WBP2NL: variants seen among roughly 807,000 people sequenced by gnomAD.
WBP2NL encodes the protein WBP2 N-terminal like, also known as postacrosomal sheath WW domain-binding protein.
In WBP2NL, 27 loss-of-function variants were observed where a neutral mutation model predicts 23.3. The ratio of observed to expected loss-of-function variants is 1.16; its 90% CI spans 0.85 to 1.60. The LOEUF (loss-of-function observed/expected upper bound fraction) is 1.60, where lower values mean the gene tolerates loss of function less well. Ranked by LOEUF, WBP2NL falls within the 40% of genes most tolerant of loss-of-function variation. The pLI is 0.00. For synonymous variants in WBP2NL, 151 were observed against 145.9 expected (o/e 1.03, Z -0.25); for missense variants, 370 against 389.5 (o/e 0.95, Z 0.42).
intron 8 of WBP2NL, among the ~76,000 whole-genome samples, chr22:42,056,391 C>A (rs773247896): frequency 6.6e-6 from 1 of 152,106 alleles, no homozygotes; most frequent in South Asian, 2.1e-4. Flanking sequence ...ATTTAAGTTA[C>A]CTTTTAAATC....
At chr22:42,024,398 T>C (rs1228886980) in intron 5 of WBP2NL, among the ~76,000 whole-genome samples, 2 of 152,200 alleles carry the variant, frequency 1.3e-5, no homozygotes, top group Non-Finnish European at 2.9e-5. Context: ...CTCTAACTTT[T>C]TGAGGAACCA....
intron 1 of WBP2NL, chr22:42,001,781 G>A: frequency 8.3e-7 from 1 of 1,207,582 alleles, no homozygotes; most frequent in Non-Finnish European, 1.2e-6. Context: ...CGTGCTCCTT[G>A]GGAATACAGA....
chr22:42,007,339 A>G (rs571809370), intron 1 of WBP2NL, among the ~76,000 whole-genome samples: 7 of 152,320 alleles, frequency 4.6e-5, no homozygotes, highest in African/African-American at 1.4e-4. Flanking sequence ...GGGAATTGTG[A>G]GGTCAGAGGA....
chr22:42,050,667 A>G (rs939077988), intron 8 of WBP2NL, among the ~76,000 whole-genome samples: 1 of 152,050 alleles, frequency 6.6e-6, no homozygotes, highest in Admixed American at 6.6e-5. Context: ...TCCCAAAAAA[A>G]AAAACTAATT....
At position 42,019,819 on chromosome 22, in the gene WBP2NL, G is replaced by A; in HGVS notation, c.313+16G>A. The stretch of plus-strand genomic sequence containing the variant: ...GCTCCATATGGTAAGTGTTCCCTCA[G>A]AAGTGTGTATTTTTTTTTCCCTCAA... On this transcript the variant is annotated intron_variant, in intron 3 of 5. Coordinates refer to ENST00000328823, the MANE Select transcript of WBP2NL (RefSeq NM_152613.3). 6.2e-7 allele frequency: 1 copy of A among 1,610,966 alleles called. No homozygotes were observed. The highest frequency in any genetic ancestry group is 1.3e-5 in the African/African-American group (1 of 74,852).
intron 1 of WBP2NL, among the ~76,000 whole-genome samples, chr22:42,018,121 C>G (rs1321750110): frequency 1.3e-5 from 2 of 148,414 alleles, no homozygotes; most frequent in Admixed American, 1.4e-4. Context: ...TGCACTCAAA[C>G]CTGGGGGACA....
downstream of WBP2NL, chr22:42,032,782 A>T: frequency 2.1e-6 from 1 of 469,920 alleles, no homozygotes; most frequent in African/African-American, 2.0e-5. Flanking sequence ...GATTAGAAAG[A>T]AGGGGTTCTG....
chr22:42,005,536 T>C (rs1002438150), intron 1 of WBP2NL, among the ~76,000 whole-genome samples: 1 of 152,016 alleles, frequency 6.6e-6, no homozygotes, highest in African/African-American at 2.4e-5. Flanking sequence ...AATAAATAAA[T>C]AGATGAAGCC....
chr22:42,051,166 A>G (rs1369662484), intron 8 of WBP2NL, among the ~76,000 whole-genome samples: 1 of 152,262 alleles, frequency 6.6e-6, no homozygotes, highest in Non-Finnish European at 1.5e-5. Flanking sequence ...CACATTGCTT[A>G]AAAAGTAATG....
chr22:42,041,534 C>G (rs1460974079), intron 8 of WBP2NL, among the ~76,000 whole-genome samples: 3 of 147,750 alleles, frequency 2.0e-5, no homozygotes, highest in Non-Finnish European at 4.5e-5. Context: ...AGTATAGCCA[C>G]TTTTGCTCTC....
chr22:42,034,912 T>G (rs1021714249), downstream of WBP2NL, among the ~76,000 whole-genome samples: 5 of 152,246 alleles, frequency 3.3e-5, no homozygotes, highest in Admixed American at 2.0e-4. Flanking sequence ...GTTATCCTGT[T>G]CTTTTTTCAG....
At chr22:42,032,915 AG>A (rs1925040379), downstream of WBP2NL, 1 of 206,426 alleles carries the variant, frequency 4.8e-6, no homozygotes, top group Non-Finnish European at 1.1e-5. Context: ...ATAATAAAAC[AG>A]GGTATTAATT....
At chr22:42,019,928 C>G in intron 3 of WBP2NL, 76 bp from the exon 4 acceptor site, 1 of 1,592,060 alleles carries the variant, frequency 6.3e-7, no homozygotes, top group Non-Finnish European at 8.6e-7. Flanking sequence ...GTAGTGCTTC[C>G]CTTGGTGTTT....
downstream of WBP2NL, chr22:42,031,163 G>A (rs1419755769): frequency 2.0e-5 from 3 of 152,202 alleles, no homozygotes; most frequent in East Asian, 1.9e-4. Flanking sequence ...TTGGACCCAC[G>A]TGGTGCTGCG....
At chr22:42,038,336 T>C (rs1283253389) in intron 8 of WBP2NL, among the ~76,000 whole-genome samples, 2 of 152,224 alleles carry the variant, frequency 1.3e-5, no homozygotes, top group Non-Finnish European at 2.9e-5. Flanking sequence ...CACTCTATCA[T>C]GTTGTATAAT....
chr22:42,024,632 A>G (rs1388940639), intron 5 of WBP2NL, among the ~76,000 whole-genome samples: 1 of 152,044 alleles, frequency 6.6e-6, no homozygotes, highest in Non-Finnish European at 1.5e-5. Context: ...TATATACCTT[A>G]ATTGGAGAAC....
intron 8 of WBP2NL, among the ~76,000 whole-genome samples, chr22:42,049,566 T>A (rs1005531145): frequency 5.9e-5 from 9 of 151,818 alleles, no homozygotes; most frequent in African/African-American, 2.2e-4. Context: ...GGCGGGCACC[T>A]GTAGTCCTAG....
chr22:42,016,912 C>G (rs906069020), intron 1 of WBP2NL, among the ~76,000 whole-genome samples: 1 of 152,224 alleles, frequency 6.6e-6, no homozygotes, highest in African/African-American at 2.4e-5. Flanking sequence ...CAAATGATGT[C>G]TTTAAGCTGT....
intron 1 of WBP2NL, chr22:42,000,994 A>T (rs1479190595): frequency 1.9e-6 from 1 of 520,288 alleles, no homozygotes. Flanking sequence ...CTCCGTCTCA[A>T]AAAAAAAGAA....
Sources: gnomAD v4.1 joint callset for allele counts (sites outside exome capture counted in the v4.1 genomes callset) on GRCh38, gnomAD v4.1.1 for gene constraint, MANE v1.5 for transcripts, NCBI Gene and HGNC (gene_info 2026-07-23, HGNC 2026-07-21) for gene names.